The following PUDP variants were observed in gnomAD, a reference collection of about 807,000 sequenced individuals.
PUDP encodes pseudouridine 5'-phosphatase.
A neutral mutation model predicts 9.4 loss-of-function variants in PUDP; 8 were observed. The observed-to-expected ratio is 0.85, with a 90% CI of 0.50 to 1.53. The LOEUF (loss-of-function observed/expected upper bound fraction) is 1.53, where lower values mean the gene tolerates loss of function less well. Ranked by LOEUF, PUDP falls within the 40% of genes most tolerant of loss-of-function variation. PUDP has a pLI of 0.00. For synonymous variants in PUDP, 99 were observed against 80.7 expected, an observed-to-expected ratio of 1.23 and a Z score of -1.22; for missense variants, 188 against 189.7, an observed-to-expected ratio of 0.99 and a Z score of 0.05.
chrX:6,837,870 G>A (rs1191711189), intron 3 of PUDP, among the ~76,000 whole-genome samples: 2 of 98,100 alleles, frequency 2.0e-5, no homozygotes, highest in African/African-American at 7.8e-5. Flanking sequence ...AACAACAGAT[G>A]GGATATATAC....
At chrX:7,041,734 C>G (rs1338085457) in intron 1 of PUDP, among the ~76,000 whole-genome samples, 1 of 112,103 alleles carries the variant, frequency 8.9e-6, no homozygotes, top group Non-Finnish European at 1.9e-5. Context: ...TTTCTGCATT[C>G]ATGATCTCTG....
intron 1 of PUDP, among the ~76,000 whole-genome samples, chrX:7,029,196 ATTC>A (rs1929759675): frequency 8.9e-6 from 1 of 111,887 alleles, no homozygotes; most frequent in Non-Finnish European, 1.9e-5. Context: ...GCCCACAACA[ATTC>A]TTCTTCTTCC....
At chrX:7,138,427 C>T (rs2146933809) in intron 1 of PUDP, among the ~76,000 whole-genome samples, 1 of 108,426 alleles carries the variant, frequency 9.2e-6, no homozygotes, top group Non-Finnish European at 1.9e-5. Flanking sequence ...GGCTGGAGTG[C>T]AGTGGCGTGA....
chrX:6,769,521 G>A (rs1038603392), intron 3 of PUDP, among the ~76,000 whole-genome samples: 3 of 112,025 alleles, frequency 2.7e-5, no homozygotes, highest in Non-Finnish European at 5.6e-5. Context: ...GCAGCCACGG[G>A]AGCCTCCATT....
At chrX:6,983,997 T>C (rs1929072202) in intron 1 of PUDP, among the ~76,000 whole-genome samples, 1 of 112,569 alleles carries the variant, frequency 8.9e-6, no homozygotes. Flanking sequence ...ATCCCTTTAT[T>C]CCTTCCTTGC....
At chrX:6,900,721 G>T (rs1471431773) in intron 3 of PUDP, among the ~76,000 whole-genome samples, 1 of 107,915 alleles carries the variant, frequency 9.3e-6, no homozygotes, top group East Asian at 2.9e-4. Flanking sequence ...TAGAGAGGGA[G>T]TCAACCACTG....
chrX:7,044,326 G>A, downstream of PUDP, among the ~76,000 whole-genome samples: 2 of 112,215 alleles, frequency 1.8e-5, no homozygotes, highest in Middle Eastern at 4.6e-3. Flanking sequence ...TTGGTGTGCT[G>A]CCTTAAATAG....
chrX:7,024,030 T>C (rs1157391069), intron 1 of PUDP, among the ~76,000 whole-genome samples: 1 of 112,162 alleles, frequency 8.9e-6, no homozygotes, highest in East Asian at 2.8e-4. Context: ...ACATGATTTT[T>C]GTATATTGAG....
At chrX:7,116,445 C>T (rs192003596) in intron 1 of PUDP, among the ~76,000 whole-genome samples, 27 of 111,683 alleles carry the variant, frequency 2.4e-4, no homozygotes, top group Non-Finnish European at 4.9e-4. Flanking sequence ...GGTTTCTTCC[C>T]AGCCACCTTG....
At chrX:6,710,049 G>C (rs1292256395) in intron 1 of PUDP, among the ~76,000 whole-genome samples, 2 of 112,048 alleles carry the variant, frequency 1.8e-5, no homozygotes, top group Admixed American at 9.4e-5. Flanking sequence ...CTTGAACCCG[G>C]GAGGTGGAGG....
intron 3 of PUDP, among the ~76,000 whole-genome samples, chrX:6,890,416 A>G (rs950684431): frequency 8.9e-6 from 1 of 111,963 alleles, no homozygotes; most frequent in African/African-American, 3.2e-5. Context: ...CAATATCTAC[A>G]GCAGTTTTGA....
intron 3 of PUDP, among the ~76,000 whole-genome samples, chrX:6,856,936 T>C (rs990096887): frequency 1.8e-5 from 2 of 112,410 alleles, no homozygotes; most frequent in Non-Finnish European, 3.8e-5. Flanking sequence ...ATATTCAAAT[T>C]AAATTGAAAT....
chrX:7,036,556 CTCTG>C (rs1420771200), intron 1 of PUDP, among the ~76,000 whole-genome samples: 4 of 108,647 alleles, frequency 3.7e-5, no homozygotes, highest in African/African-American at 1.3e-4. Context: ...TTTTCTCTAT[CTCTG>C]TCTTCCATCT....
intron 3 of PUDP, among the ~76,000 whole-genome samples, chrX:6,761,271 C>T (rs1402021022): frequency 8.9e-6 from 1 of 112,074 alleles, no homozygotes; most frequent in East Asian, 2.8e-4. Context: ...AGACAAGGGA[C>T]TTACACTCTG....
At chrX:7,137,987 T>C (rs978528282) in intron 1 of PUDP, among the ~76,000 whole-genome samples, 22 of 112,047 alleles carry the variant, frequency 2.0e-4, no homozygotes, top group Admixed American at 5.7e-4. Flanking sequence ...TCTGCAGGGC[T>C]GGGGCTAGCA....
At chrX:6,991,263 T>A (rs1356994482) in intron 1 of PUDP, among the ~76,000 whole-genome samples, 2 of 111,810 alleles carry the variant, frequency 1.8e-5, no homozygotes. Context: ...GAGTCTCTTT[T>A]AAGATTTTTT....
chrX:6,899,034 T>C (rs762070378), intron 3 of PUDP, among the ~76,000 whole-genome samples: 4 of 112,239 alleles, frequency 3.6e-5, no homozygotes, highest in South Asian at 3.7e-4. Flanking sequence ...GATCCACTTG[T>C]TCTGTGTAGC....
chrX:6,861,868 G>A (rs1486282426), intron 3 of PUDP, among the ~76,000 whole-genome samples: 2 of 111,519 alleles, frequency 1.8e-5, no homozygotes, highest in East Asian at 5.7e-4. Context: ...TTTGACCTCC[G>A]ACTCCCTTTT....
intron 2 of PUDP, 72 bp from the exon 3 acceptor site, chrX:7,077,521 C>A: frequency 7.4e-6 from 6 of 805,763 alleles, no homozygotes; most frequent in Non-Finnish European, 9.2e-6. Context: ...CAGGGACAGT[C>A]CCTCCAGCTG....
Sources: allele counts gnomAD v4.1 joint callset (sites outside exome capture counted in the v4.1 genomes callset), GRCh38; gene constraint gnomAD v4.1.1; transcripts MANE v1.5; gene names NCBI Gene and HGNC (gene_info 2026-07-23, HGNC 2026-07-21).